Variants in ATXN7L1 observed in about 807,000 individuals in gnomAD.
ATXN7L1 encodes ataxin-7-like protein 1.
ATXN7L1 carries 15 observed loss-of-function variants against 70.8 expected under a neutral mutation model. The observed-to-expected ratio is 0.21, with a 90% CI of 0.14 to 0.33. The LOEUF is 0.33. ATXN7L1 is among the 10% of genes least tolerant of loss of function. ATXN7L1 has a pLI of 1.00. For synonymous variants in ATXN7L1, 440 were observed against 445.1 expected, an observed-to-expected ratio of 0.99 and a Z score of 0.14; for missense variants, 975 against 1,097.1, an observed-to-expected ratio of 0.89 and a Z score of 1.57.
intron 3 of ATXN7L1, among the ~76,000 whole-genome samples, chr7:105,669,797 T>C (rs940111243): frequency 6.6e-6 from 1 of 151,542 alleles, no homozygotes; most frequent in Non-Finnish European, 1.5e-5. Context: ...CGCATGCCTG[T>C]AATCCCAGCT....
intron 2 of ATXN7L1, among the ~76,000 whole-genome samples, chr7:105,822,667 G>A (rs758709043): frequency 4.6e-5 from 7 of 152,174 alleles, no homozygotes; most frequent in Non-Finnish European, 7.3e-5. Flanking sequence ...GGAAATTGTA[G>A]TATTTTTATT....
At position 105,638,317 on chromosome 7, in the gene ATXN7L1, AGCATTCAGG is replaced by A. The variant is rs769920897; in HGVS notation, c.1202+27_1202+35del. The A allele has an allele frequency of 1.4e-5, 22 of 1,529,332 alleles. 1 individual carries two copies. In the South Asian group the frequency reaches 2.7e-4, roughly 19 times the overall value. The allele number at this position is 1,529,332 out of a possible 1,614,324, so 94.7% of individuals were successfully genotyped here. On this transcript the variant is annotated intron_variant, in intron 7 of 11. Transcript: ENST00000419735. ...ACCCAGCAAGCTAGTCACTTGACCAAGCATTCAGGGCTTCTATCGTCAAGGTGGTACTTA... is the reference window on the plus strand; with the variant it reads ...ACCCAGCAAGCTAGTCACTTGACCAAGCTTCTATCGTCAAGGTGGTACTTA...
intron 2 of ATXN7L1, among the ~76,000 whole-genome samples, chr7:105,860,372 A>AGT (rs1816444981): frequency 6.6e-6 from 1 of 152,060 alleles, no homozygotes; most frequent in South Asian, 2.1e-4. Context: ...CCCCAGCGGT[A>AGT]GCATTTTTTC....
chr7:105,795,235 A>G (rs868038238), intron 2 of ATXN7L1, among the ~76,000 whole-genome samples: 33 of 152,242 alleles, frequency 2.2e-4, no homozygotes, highest in African/African-American at 7.7e-4. Flanking sequence ...GTAGTTGGTA[A>G]AGTGCTTCTG....
intron 3 of ATXN7L1, among the ~76,000 whole-genome samples, chr7:105,735,473 AC>A (rs1797275301): frequency 6.6e-6 from 1 of 152,244 alleles, no homozygotes; most frequent in African/African-American, 2.4e-5. Context: ...AGGCATAGAG[AC>A]CTTTGCGATG....
intron 3 of ATXN7L1, among the ~76,000 whole-genome samples, chr7:105,733,885 C>G (rs1289971844): frequency 9.8e-6 from 1 of 102,136 alleles, no homozygotes; most frequent in Non-Finnish European, 2.2e-5. Context: ...CATCCATCAT[C>G]CATCATCCAT....
Position 105,610,513 on chromosome 7 carries a change from A to G in ATXN7L1, c.2547+16T>C. ...CCATATGAATTTTTGCCCCACCCCC[A>G]CCCTCAGTAACTTACCTGTCGGCTG... On this transcript the variant is annotated intron_variant, in intron 11 of 11. Coordinates refer to ENST00000419735, the MANE Select transcript of ATXN7L1 (RefSeq NM_020725.2). 7.1e-7 allele frequency: 1 copy of G among 1,408,746 alleles called. No homozygotes were observed. The highest frequency in any genetic ancestry group is 9.6e-7 in the Non-Finnish European group (1 of 1,036,610). The allele number at this position is 1,408,746 out of a possible 1,614,324, so 87.3% of individuals were successfully genotyped here. A position where few individuals can be genotyped will look rare whatever the true frequency, so the allele number is the denominator to read the frequency against.
intron 3 of ATXN7L1, among the ~76,000 whole-genome samples, chr7:105,684,316 G>C (rs1179216838): frequency 6.6e-6 from 1 of 152,164 alleles, no homozygotes; most frequent in Non-Finnish European, 1.5e-5. Context: ...ACCCTGAGAT[G>C]ACTTCTTAAA....
chr7:105,635,790 A>G (rs1797261720), intron 7 of ATXN7L1, among the ~76,000 whole-genome samples: 2 of 152,244 alleles, frequency 1.3e-5, no homozygotes, highest in African/African-American at 4.8e-5. Context: ...CATTTCCCAC[A>G]AAGGGAATTC....
intron 2 of ATXN7L1, chr7:105,819,447 A>T: frequency 1.8e-4 from 36 of 205,058 alleles, no homozygotes; most frequent in Admixed American, 1.4e-3. Context: ...TTGGGATTTA[A>T]AAAAAAAAAA....
intron 3 of ATXN7L1, among the ~76,000 whole-genome samples, chr7:105,722,888 GAAATAAAATA>G (rs140633734): frequency 0.018 from 2,794 of 151,576 alleles, 92 homozygotes; most frequent in African/African-American, 0.063. Context: ...CCGGCTCAAA[GAAATAAAATA>G]AAATAAAATA....
Position 105,834,200 on chromosome 7 carries a change from G to A in ATXN7L1, c.250+41612C>T, listed in dbSNP as rs1268963667. On this transcript the variant is annotated intron_variant, in intron 2 of 11. Transcript: ENST00000419735. ...TGGGATCACAGGCATGTGCCACCAC[G>A]CCTGGCTAATTTTGTATTTTTAGTA... Among the ~76,000 whole-genome samples, 10 of 152,150 alleles carry A rather than the reference G, an allele frequency of 6.6e-5. No individual in the cohort carries two copies. In the East Asian group the frequency reaches 9.6e-4, roughly 15 times the overall value.
rs376119160 is a variant in ATXN7L1 at position 105,845,545 on chromosome 7, A to C, written c.250+30267T>G. 7.6e-3 allele frequency among the ~76,000 whole-genome samples: 1,142 copies of C among 149,454 alleles called. 15 individuals are homozygous for C. Among genetic ancestry groups the C allele is most frequent in the African/African-American group, 0.026 (1,069 of 40,676 alleles). The stretch of plus-strand genomic sequence containing the variant: ...TTTTTTTTTTTTGAAGAAATTGACA[A>C]AGTAATCCTAAAATTCATATGGAAA... On this transcript the variant is annotated intron_variant, in intron 2 of 11. Coordinates refer to ENST00000419735, the MANE Select transcript of ATXN7L1 (RefSeq NM_020725.2).
chr7:105,634,500 T>C (rs1797080682), intron 7 of ATXN7L1, among the ~76,000 whole-genome samples: 1 of 152,198 alleles, frequency 6.6e-6, no homozygotes, highest in African/African-American at 2.4e-5. Flanking sequence ...AACTAGTATC[T>C]GCCTTTCTTA....
At chr7:105,790,677 AT>A (rs1393626998) in intron 2 of ATXN7L1, among the ~76,000 whole-genome samples, 49 of 132,274 alleles carry the variant, frequency 3.7e-4, no homozygotes, top group Admixed American at 1.5e-3. Flanking sequence ...TCTATCTACT[AT>A]CTATCTATCT....
At chr7:105,681,047 T>A (rs1334051422) in intron 3 of ATXN7L1, among the ~76,000 whole-genome samples, 2 of 152,176 alleles carry the variant, frequency 1.3e-5, no homozygotes, top group Non-Finnish European at 2.9e-5. Flanking sequence ...GATAATAAGA[T>A]GCAATATTTA....
chr7:105,825,818 G>A (rs1156838211), intron 2 of ATXN7L1, among the ~76,000 whole-genome samples: 3 of 152,086 alleles, frequency 2.0e-5, no homozygotes, highest in Admixed American at 2.0e-4. Context: ...GATGTACAGT[G>A]TCTCTCATTT....
At chr7:105,859,257 T>A (rs186507476) in intron 2 of ATXN7L1, among the ~76,000 whole-genome samples, 218 of 152,268 alleles carry the variant, frequency 1.4e-3, no homozygotes, top group Non-Finnish European at 2.6e-3. Context: ...CATACATATT[T>A]ATGTATGATG....
chr7:105,819,444 TTAAA>T, intron 2 of ATXN7L1: 5 of 626,128 alleles, frequency 8.0e-6, no homozygotes, highest in African/African-American at 3.8e-5. Flanking sequence ...TATTTGGGAT[TTAAA>T]AAAAAAAAAA....
Sources: allele counts gnomAD v4.1 joint callset (sites outside exome capture counted in the v4.1 genomes callset), GRCh38; gene constraint gnomAD v4.1.1; transcripts MANE v1.5; gene names NCBI Gene and HGNC (gene_info 2026-07-23, HGNC 2026-07-21).